The following OR3A2 variants were observed in gnomAD, a reference collection of about 807,000 sequenced individuals.
OR3A2 encodes olfactory receptor 3A2.
For synonymous variants in OR3A2, 126 were observed against 159.3 expected (o/e 0.79, Z 1.57); for missense variants, 318 against 392.8 (o/e 0.81, Z 1.61).
At chr17:3,297,999 C>G (rs1046204850) in intron 3 of OR3A2, among the ~76,000 whole-genome samples, 1 of 151,920 alleles carries the variant, frequency 6.6e-6, no homozygotes, top group Non-Finnish European at 1.5e-5. Context: ...TTAGTTTCTT[C>G]TAGAGTCAAG....
intron 3 of OR3A2, among the ~76,000 whole-genome samples, chr17:3,320,198 G>T (rs568933222): frequency 2.2e-4 from 33 of 151,050 alleles, no homozygotes; most frequent in Admixed American, 2.2e-3. Flanking sequence ...GTCTGTTCAT[G>T]TCCTTCGCCC....
At chr17:3,348,520 T>C (rs143806216) in intron 2 of OR3A2, among the ~76,000 whole-genome samples, 13,993 of 152,118 alleles carry the variant, frequency 0.092, 643 homozygotes, top group Admixed American at 0.13. Flanking sequence ...CCAAGAAATA[T>C]GGGACTATGT....
chr17:3,347,091 T>C (rs567945866), intron 2 of OR3A2, among the ~76,000 whole-genome samples: 4 of 152,250 alleles, frequency 2.6e-5, no homozygotes, highest in African/African-American at 9.6e-5. Flanking sequence ...TAGCTCTATT[T>C]CTACTTTATT....
At chr17:3,368,359 T>C (rs2049582612) in intron 2 of OR3A2, among the ~76,000 whole-genome samples, 1 of 152,244 alleles carries the variant, frequency 6.6e-6, no homozygotes, top group African/African-American at 2.4e-5. Context: ...GGAATTTTTA[T>C]GGTTTCAAAT....
intron 3 of OR3A2, among the ~76,000 whole-genome samples, chr17:3,302,619 T>TAA (rs2048973873): frequency 6.6e-6 from 1 of 152,250 alleles, no homozygotes; most frequent in African/African-American, 2.4e-5. Flanking sequence ...ATTTGGGCTT[T>TAA]ATTCTTTAAA....
intron 2 of OR3A2, among the ~76,000 whole-genome samples, chr17:3,372,919 A>C (rs2049645425): frequency 7.2e-6 from 1 of 139,324 alleles, no homozygotes; most frequent in Admixed American, 7.4e-5. Context: ...GCTCTTTAGG[A>C]TTTTTTGATG....
intron 2 of OR3A2, among the ~76,000 whole-genome samples, chr17:3,337,744 T>A (rs560253215): frequency 1.3e-5 from 2 of 152,228 alleles, no homozygotes; most frequent in East Asian, 3.8e-4. Context: ...TACGTGTGCA[T>A]GTGTCTTTAT....
At chr17:3,376,589 G>A (rs1213236741) in intron 2 of OR3A2, among the ~76,000 whole-genome samples, 2 of 152,258 alleles carry the variant, frequency 1.3e-5, no homozygotes, top group Non-Finnish European at 2.9e-5. Flanking sequence ...AGTGACAGGT[G>A]TCACCCAGCT....
intron 2 of OR3A2, among the ~76,000 whole-genome samples, chr17:3,371,580 A>C (rs1230120233): frequency 1.9e-5 from 2 of 107,984 alleles, no homozygotes; most frequent in African/African-American, 3.6e-5. Context: ...TGATTCCCCC[A>C]CCTCCCTCCC....
intron 2 of OR3A2, among the ~76,000 whole-genome samples, chr17:3,336,768 C>T (rs970148688): frequency 2.0e-5 from 3 of 152,190 alleles, no homozygotes; most frequent in Non-Finnish European, 4.4e-5. Flanking sequence ...AGACAGACTT[C>T]TCCACAAAAT....
At position 3,336,083 on chromosome 17, in the gene OR3A2, C is replaced by A. The variant is rs1029368; in HGVS notation, c.-135G>T. ...CTCCAGTGGAAGTTTCAGAAACTCT[C>A]CTTGCCAACGCTGCCTATCTTCATT... is the stretch of plus-strand genomic sequence containing the variant. On this transcript the variant is annotated 5_prime_UTR_variant, in exon 3 of 5. An upstream open reading frame in the 5' UTR gains an earlier in-frame stop. Coordinates refer to the OR3A2 transcript ENST00000573491. The A allele has an allele frequency of 6.6e-6, 1 of 152,330 alleles. No homozygotes were observed. The highest frequency in any genetic ancestry group is 1.5e-5 in the Non-Finnish European group (1 of 68,046). 9.4% of individuals were successfully genotyped at this position (152,330 alleles called of 1,614,324 possible).
chr17:3,348,905 C>A (rs914932650), intron 2 of OR3A2, among the ~76,000 whole-genome samples: 1 of 151,998 alleles, frequency 6.6e-6, no homozygotes, highest in African/African-American at 2.4e-5. Flanking sequence ...GAATTTTCAA[C>A]CCAGAATTTC....
intron 2 of OR3A2, among the ~76,000 whole-genome samples, chr17:3,379,496 T>C (rs1421207682): frequency 1.3e-5 from 2 of 152,180 alleles, no homozygotes; most frequent in Non-Finnish European, 2.9e-5. Context: ...CCACGATCCC[T>C]GAACCTACTG....
chr17:3,377,355 G>GCAATAAAGGCAATGTCTGGTAGGTGTT (rs1221391190), intron 2 of OR3A2, among the ~76,000 whole-genome samples: 3 of 152,116 alleles, frequency 2.0e-5, no homozygotes, highest in African/African-American at 7.2e-5. Context: ...CAATATATAA[G>GCAATAAAGGCAATGTCTGGTAGGTGTT]CAATAAAGGC....
At chr17:3,344,620 C>T (rs545262969) in intron 2 of OR3A2, among the ~76,000 whole-genome samples, 2 of 152,258 alleles carry the variant, frequency 1.3e-5, no homozygotes, top group South Asian at 4.2e-4. Context: ...TAGTCATATC[C>T]TTTTCCTTGA....
At chr17:3,360,196 T>A (rs1194362172) in intron 2 of OR3A2, among the ~76,000 whole-genome samples, 2 of 151,986 alleles carry the variant, frequency 1.3e-5, no homozygotes, top group East Asian at 3.9e-4. Flanking sequence ...TTTTCATGTG[T>A]CTGTTGGCTG....
At chr17:3,337,961 G>A (rs1260147285) in intron 2 of OR3A2, among the ~76,000 whole-genome samples, 2 of 152,062 alleles carry the variant, frequency 1.3e-5, no homozygotes, top group African/African-American at 2.4e-5. Flanking sequence ...TTTAATGATC[G>A]CCATTCTAAC....
At chr17:3,347,514 A>G (rs564496423) in intron 2 of OR3A2, among the ~76,000 whole-genome samples, 2 of 152,146 alleles carry the variant, frequency 1.3e-5, no homozygotes, top group East Asian at 1.9e-4. Context: ...TTGTTCTTGC[A>G]ATAGTTTACT....
chr17:3,380,277 A>G (rs1424655855), intron 2 of OR3A2, among the ~76,000 whole-genome samples: 3 of 152,202 alleles, frequency 2.0e-5, no homozygotes, highest in African/African-American at 7.2e-5. Flanking sequence ...GGAGAGCAAT[A>G]CACGAGAACG....
Sources: gnomAD v4.1 joint callset for allele counts (sites outside exome capture counted in the v4.1 genomes callset) on GRCh38, gnomAD v4.1.1 for gene constraint, MANE v1.5 for transcripts, NCBI Gene and HGNC (gene_info 2026-07-23, HGNC 2026-07-21) for gene names.